GALC: variants seen among roughly 807,000 people sequenced by gnomAD.
GALC encodes galactocerebrosidase.
GALC carries 77 observed loss-of-function variants against 91.8 expected under a neutral mutation model. That is an observed-to-expected ratio of 0.84 (90% confidence interval 0.70 to 1.01). The LOEUF (loss-of-function observed/expected upper bound fraction) is 1.01. Among genes scored for constraint, GALC ranks in the 50% least tolerant of loss-of-function variants. The pLI is 0.00. For missense variants in GALC, 882 were observed against 855.9 expected, an observed-to-expected ratio of 1.03 and a Z score of -0.38; for synonymous variants, 357 against 306.7, an observed-to-expected ratio of 1.16 and a Z score of -1.71.
At chr14:87,941,616 C>A in intron 14 of GALC, 58 bp from the exon 15 acceptor site, 1 of 1,139,158 alleles carries the variant, frequency 8.8e-7, no homozygotes, top group Non-Finnish European at 1.3e-6. Context: ...TAACATAGTA[C>A]AGATATGTCA....
intron 16 of GALC, among the ~76,000 whole-genome samples, chr14:87,936,914 T>TATATATATATATATATATATACATA (rs60680373): frequency 9.5e-6 from 1 of 105,662 alleles, no homozygotes; most frequent in African/African-American, 3.9e-5. Flanking sequence ...ATATATATAT[T>TATATATATATATATATATATACATA]TATTTATTTT....
rs767236077 is a variant in GALC at position 87,963,461 on chromosome 14, C to CA, written c.1083dup (p.Gly362TrpfsTer14). On this transcript the variant is annotated frameshift_variant, in exon 10 of 17. Coordinates refer to ENST00000261304, the MANE Select transcript of GALC (RefSeq NM_000153.4). LOFTEE classifies it high-confidence loss of function. ...TAGCTTCCTCCTTTCTCTAAATGGC[C>CA]AACTGTCTTCAGGTAATACCAGCCA... The CA allele has an allele frequency of 2.5e-6, 4 of 1,612,858 alleles. No individual in the cohort carries two copies. The highest frequency in any genetic ancestry group is 2.5e-6 in the Non-Finnish European group (3 of 1,179,206).
At chr14:87,944,948 G>A (rs1226749793) in intron 14 of GALC, among the ~76,000 whole-genome samples, 1 of 148,068 alleles carries the variant, frequency 6.8e-6, no homozygotes. Flanking sequence ...CATGACAGGT[G>A]GAATAAGTCA....
chr14:87,951,171 T>TGTATATATA (rs1448330317), intron 10 of GALC, among the ~76,000 whole-genome samples: 5 of 151,770 alleles, frequency 3.3e-5, no homozygotes, highest in Non-Finnish European at 5.9e-5. Flanking sequence ...TATGGGTGTG[T>TGTATATATA]GTATATATAG....
chr14:87,940,835 T>A (rs1884804444), intron 15 of GALC, among the ~76,000 whole-genome samples: 1 of 151,846 alleles, frequency 6.6e-6, no homozygotes, highest in Non-Finnish European at 1.5e-5. Context: ...TCAAAACCAA[T>A]CTGAAGTGGA....
At chr14:87,954,701 A>G (rs1885448814) in intron 10 of GALC, 4 of 1,551,662 alleles carry the variant, frequency 2.6e-6, no homozygotes, top group Non-Finnish European at 3.6e-6. Context: ...GTCATTTCCT[A>G]TTACGGCAGC....
intron 15 of GALC, 95 bp downstream of exon 15, chr14:87,941,300 G>A: frequency 2.4e-6 from 2 of 817,358 alleles, no homozygotes; most frequent in Non-Finnish European, 4.1e-6. Context: ...ACCTTGGGTT[G>A]AATTCTTTTT....
rs1472207768 is a variant in GALC, at chr14:87,965,571, C to T, written c.967G>A (p.Gly323Arg). The T allele has an allele frequency of 6.2e-7, 1 of 1,613,386 alleles. No homozygotes were observed. Among genetic ancestry groups the T allele is most frequent in the East Asian group, 2.2e-5 (1 of 44,868 alleles). Reference sequence around the variant, plus strand: ...CATGGCTCCTGGGCCGTCATCAACCCGCATCTCCCATAAGGCAACTGTTCA... The same window carrying T: ...CATGGCTCCTGGGCCGTCATCAACCTGCATCTCCCATAAGGCAACTGTTCA... The part of the protein sequence containing the change: ...YYEQLPYGRC[G>R]LMTAQEPWSG... The change falls in exon 9 of 17, where the codon GGG becomes AGG. Residue 323 changes from glycine to arginine, a missense_variant. Coordinates refer to ENST00000261304, the MANE Select transcript of GALC (RefSeq NM_000153.4).
intron 10 of GALC, among the ~76,000 whole-genome samples, chr14:87,956,817 A>G (rs1331284636): frequency 1.3e-5 from 2 of 151,852 alleles, no homozygotes; most frequent in Non-Finnish European, 2.9e-5. Flanking sequence ...AGATCAATCA[A>G]TTTAGTTCTT....
chr14:87,950,894 T>C (rs1885278754), intron 10 of GALC, 146 bp from the exon 11 acceptor site: 14 of 604,976 alleles, frequency 2.3e-5, no homozygotes, highest in South Asian at 2.2e-4. Context: ...TTTAAAGACT[T>C]TTTTACAATA....
chr14:87,936,914 T>TATA (rs60680373), intron 16 of GALC, among the ~76,000 whole-genome samples: 8,843 of 105,538 alleles, frequency 0.084, 811 homozygotes, highest in Admixed American at 0.12. Context: ...ATATATATAT[T>TATA]TATTTATTTT....
chr14:87,936,875 G>A (rs1476407091), intron 16 of GALC, among the ~76,000 whole-genome samples: 1 of 100,130 alleles, frequency 1.0e-5, no homozygotes, highest in Non-Finnish European at 1.9e-5. Context: ...GACTCATTAA[G>A]TGCTTACCAC....
chr14:87,992,521 G>A, intron 1 of GALC: 2 of 1,529,692 alleles, frequency 1.3e-6, no homozygotes, highest in Non-Finnish European at 1.7e-6. Context: ...TCCTCCAAAA[G>A]GGAGAGACAC....
intron 10 of GALC, chr14:87,959,656 G>C (rs1012499230): frequency 6.6e-6 from 1 of 150,500 alleles, no homozygotes; most frequent in Non-Finnish European, 1.5e-5. Flanking sequence ...GGAGGCAGAG[G>C]TTGCAGTGAG....
intron 1 of GALC, among the ~76,000 whole-genome samples, chr14:87,991,391 A>G (rs1172483576): frequency 2.0e-5 from 3 of 152,084 alleles, no homozygotes; most frequent in Non-Finnish European, 2.9e-5. Flanking sequence ...TTTAGTAGAG[A>G]CGGGGTTTCA....
chr14:87,972,500 A>AT (rs533053707), intron 7 of GALC, among the ~76,000 whole-genome samples: 108 of 152,300 alleles, frequency 7.1e-4, no homozygotes, highest in African/African-American at 2.6e-3. Context: ...TCACTTTGTG[A>AT]TAATTCATTA....
rs372793797 is a variant in GALC at position 87,963,435 on chromosome 14, G to C, written c.1110C>G (p.Tyr370Ter). 99 of 1,613,234 alleles carry C rather than the reference G, an allele frequency of 6.1e-5. No homozygotes were observed. The highest frequency in any genetic ancestry group is 8.1e-5 in the Non-Finnish European group (96 of 1,179,400). Residue 370 changes from tyrosine (Y) to a stop codon, truncating the protein, a stop_gained, in exon 10 of 17, where the codon TAC becomes TAG. Coordinates refer to ENST00000261304, the MANE Select transcript of GALC (RefSeq NM_000153.4). LOFTEE classifies it high-confidence loss of function. ...TCCCTAAGCCATCAGTCAGAGCTAC[G>C]TAGCTTCCTCCTTTCTCTAAATGGC... ...TVGHLEKGGS[Y>*]VALTDGLGNL...
At chr14:87,989,252 A>G (rs1245200171) in intron 1 of GALC, among the ~76,000 whole-genome samples, 1 of 152,318 alleles carries the variant, frequency 6.6e-6, no homozygotes, top group East Asian at 1.9e-4. Context: ...AGACAGTCCT[A>G]GGTTCAAACT....
chr14:87,970,701 A>G (rs1325864879), intron 7 of GALC, among the ~76,000 whole-genome samples: 4 of 149,802 alleles, frequency 2.7e-5, no homozygotes, highest in Admixed American at 2.7e-4. Flanking sequence ...TCTACTAAAA[A>G]TACAAAAAAA....
Sources: allele counts gnomAD v4.1 joint callset (sites outside exome capture counted in the v4.1 genomes callset), GRCh38; gene constraint gnomAD v4.1.1; transcripts MANE v1.5; gene names NCBI Gene and HGNC (gene_info 2026-07-23, HGNC 2026-07-21).